Variants in HIPK1 observed in about 807,000 individuals in gnomAD.
HIPK1 encodes homeodomain interacting protein kinase 1, also known as homeodomain-interacting protein kinase 1.
In HIPK1, 28 loss-of-function variants were observed where a neutral mutation model predicts 117.1. The observed-to-expected ratio is 0.24, with a 90% CI of 0.18 to 0.33. The LOEUF (loss-of-function observed/expected upper bound fraction) is 0.33, where lower values mean the gene tolerates loss of function less well. HIPK1 is among the 10% of genes least tolerant of loss of function. The probability of loss-of-function intolerance (pLI) is 1.00; values close to 1 mark genes in which losing one functional copy is unlikely to be tolerated. For missense variants in HIPK1, 1,122 were observed against 1,475.1 expected, an observed-to-expected ratio of 0.76 and a Z score of 3.92; for synonymous variants, 605 against 562.5, an observed-to-expected ratio of 1.08 and a Z score of -1.07.
Position 113,940,842 on chromosome 1 carries a change from G to A in HIPK1, c.459G>A (p.Val153=). The A allele has an allele frequency of 6.2e-7, 1 of 1,614,100 alleles. No individual in the cohort carries two copies. The highest frequency in any genetic ancestry group is 2.2e-5 in the East Asian group (1 of 44,886). Residue 153 remains valine (V), a synonymous_variant, in exon 2 of 16, where the codon GTG becomes GTA. Coordinates refer to ENST00000426820, the MANE Select transcript of HIPK1 (RefSeq NM_198268.3). The part of the protein sequence containing the change: ...PPLMLQNRTV[V]GAAATTTTVT... ...TCATGCTGCAAAACAGGACTGTGGT[G>A]GGTGCTGCTGCCACAACCACCACTG...
At chr1:113,937,266 G>A (rs1670315238) in intron 1 of HIPK1, among the ~76,000 whole-genome samples, 5 of 152,186 alleles carry the variant, frequency 3.3e-5, no homozygotes, top group Non-Finnish European at 7.4e-5. Context: ...CTAGTCCAGT[G>A]CAGGTGGTTT....
At chr1:113,929,949 G>A in intron 1 of HIPK1, 5 of 985,432 alleles carry the variant, frequency 5.1e-6, no homozygotes, top group South Asian at 4.7e-5. Flanking sequence ...GGTGAGTGGG[G>A]ACGGGCAGGA....
At chr1:113,930,834 GA>G (rs1389584654) in intron 1 of HIPK1, 2 of 152,208 alleles carry the variant, frequency 1.3e-5, no homozygotes, top group African/African-American at 2.4e-5. Context: ...GGGTAGGGAA[GA>G]GGGGGGGAAA....
Position 113,970,001 on chromosome 1 carries a change from C to T in HIPK1, c.2817C>T (p.Val939=). 6.2e-7 allele frequency: 1 copy of T among 1,614,152 alleles called. No individual in the cohort carries two copies. Among genetic ancestry groups the T allele is most frequent in the Non-Finnish European group, 8.5e-7 (1 of 1,179,966 alleles). The change falls in exon 14 of 16, where the codon GTC becomes GTT. Residue 939 remains valine (V), a synonymous_variant. Transcript: ENST00000426820. The part of the protein sequence containing the change: ...PRSNVISYVT[V]NDSPDSDSSL... ...CTAATGTCATCAGTTATGTCACTGT[C>T]AATGATTCTCCAGACTCTGACTCTT...
intron 1 of HIPK1, among the ~76,000 whole-genome samples, chr1:113,939,061 A>G (rs1309453795): frequency 6.6e-6 from 1 of 152,050 alleles, no homozygotes; most frequent in Non-Finnish European, 1.5e-5. Context: ...AGACACTATC[A>G]TTTTACATGT....
chr1:113,929,664 T>A, intron 1 of HIPK1, 132 bp downstream of exon 1: 1 of 929,298 alleles, frequency 1.1e-6, no homozygotes, highest in Non-Finnish European at 1.4e-6. Context: ...GGCCCGGCGG[T>A]AGCCCCGGAC....
chr1:113,942,219 C>A (rs1558129509), intron 2 of HIPK1, among the ~76,000 whole-genome samples: 1 of 151,978 alleles, frequency 6.6e-6, no homozygotes, highest in African/African-American at 2.4e-5. Context: ...TGCTACCACG[C>A]CCGGCTAATT....
At chr1:113,946,987 G>A (rs1671028849) in intron 2 of HIPK1, among the ~76,000 whole-genome samples, 1 of 152,164 alleles carries the variant, frequency 6.6e-6, no homozygotes, top group South Asian at 2.1e-4. Flanking sequence ...AGTCCATTAA[G>A]TCCTCACCCT....
At chr1:113,942,773 G>C (rs1439525923) in intron 2 of HIPK1, among the ~76,000 whole-genome samples, 1 of 152,054 alleles carries the variant, frequency 6.6e-6, no homozygotes, top group African/African-American at 2.4e-5. Context: ...TTTAAAATGT[G>C]CTTTTTATCA....
chr1:113,957,288 T>C lies in HIPK1; in HGVS notation c.1755+2T>C. On this transcript the variant is annotated splice_donor_variant, in intron 7 of 15. Transcript: ENST00000426820. LOFTEE classifies it high-confidence loss of function. ...CAGCTCAATACAGTGCACAATCAGG[T>C]ATTCAATAAATAATTTTGGAAACTC... 6.2e-7 allele frequency: 1 copy of C among 1,604,824 alleles called. No individual in the cohort carries two copies. The highest frequency in any genetic ancestry group is 8.5e-7 in the Non-Finnish European group (1 of 1,173,982).
Position 113,940,548 on chromosome 1 carries a change from A to G in HIPK1, c.165A>G (p.Gln55=). ...AAACCCTCCCAGCCACACAAGGGCA[A>G]GCCAACTCCTCTCACCAGGTAGCAA... ...HSKTLPATQG[Q]ANSSHQVANF... The change falls in exon 2 of 16, where the codon CAA becomes CAG. Residue 55 remains glutamine, a synonymous_variant. Transcript: ENST00000426820. 1 of 1,614,186 alleles carries G rather than the reference A, an allele frequency of 6.2e-7. No homozygotes were observed. The highest frequency in any genetic ancestry group is 1.1e-5 in the South Asian group (1 of 91,082).
intron 14 of HIPK1, among the ~76,000 whole-genome samples, chr1:113,970,590 C>T (rs1312958840): frequency 6.6e-6 from 1 of 152,140 alleles, no homozygotes; most frequent in Non-Finnish European, 1.5e-5. Context: ...TTTTGGAAAA[C>T]AGTTATATTC....
At chr1:113,968,013 T>C in intron 12 of HIPK1, 65 bp downstream of exon 12, 3 of 1,411,692 alleles carry the variant, frequency 2.1e-6, no homozygotes, top group South Asian at 1.2e-5. Flanking sequence ...GCCTTGCATT[T>C]GGAATATTGT....
At chr1:113,962,714 G>T in intron 9 of HIPK1, among the ~76,000 whole-genome samples, 1 of 150,848 alleles carries the variant, frequency 6.6e-6, no homozygotes, top group South Asian at 2.1e-4. Flanking sequence ...GGGGTGAAGC[G>T]TTTTTTTTTG....
rs1419446055 is a variant in HIPK1 at position 113,977,086 on chromosome 1, T to C, written c.*3574T>C. 3 of 152,730 alleles carry C rather than the reference T, an allele frequency of 2.0e-5. No individual in the cohort carries two copies. The highest frequency in any genetic ancestry group is 4.4e-5 in the Non-Finnish European group (3 of 68,020). 9.5% of individuals were successfully genotyped at this position (152,730 alleles called of 1,614,324 possible). On this transcript the variant is annotated 3_prime_UTR_variant, in exon 16 of 16. Coordinates refer to ENST00000426820, the MANE Select transcript of HIPK1 (RefSeq NM_198268.3). Reference sequence around the variant, plus strand: ...TTGTCCTCCACTAGAGGGGCTAAGCTTGACTGCCCTTAGCCAGGCAAGCAC... The same window carrying C: ...TTGTCCTCCACTAGAGGGGCTAAGCCTGACTGCCCTTAGCCAGGCAAGCAC...
chr1:113,958,942 A>G (rs183612138), intron 8 of HIPK1, among the ~76,000 whole-genome samples: 9 of 152,296 alleles, frequency 5.9e-5, no homozygotes, highest in South Asian at 2.1e-4. Flanking sequence ...CTGTGTTGCA[A>G]TAAGATTTTA....
intron 1 of HIPK1, among the ~76,000 whole-genome samples, chr1:113,933,728 G>A (rs1057171967): frequency 6.6e-6 from 1 of 152,040 alleles, no homozygotes; most frequent in Non-Finnish European, 1.5e-5. Context: ...TTAGCTGGGC[G>A]TGGTGGCATG....
At chr1:113,936,835 CTT>C (rs1210002462) in intron 1 of HIPK1, among the ~76,000 whole-genome samples, 1 of 152,142 alleles carries the variant, frequency 6.6e-6, no homozygotes, top group Non-Finnish European at 1.5e-5. Flanking sequence ...TATTTAGATT[CTT>C]TCACTAAATA....
chr1:113,941,610 T>A lies in HIPK1; in HGVS notation c.1076+151T>A. The A allele has an allele frequency of 1.6e-6, 1 of 621,454 alleles. No homozygotes were observed. Among genetic ancestry groups the A allele is most frequent in the South Asian group, 2.2e-5 (1 of 45,112 alleles). The allele number at this position is 621,454 out of a possible 1,614,324, so 38.5% of individuals were successfully genotyped here. Reference sequence around the variant, plus strand: ...TTTAGCTCATTCTATGTGTGTGGCATTCCTATATATGACATTTATTTCTGA... The same window carrying A: ...TTTAGCTCATTCTATGTGTGTGGCAATCCTATATATGACATTTATTTCTGA... On this transcript the variant is annotated intron_variant, in intron 2 of 15. Coordinates refer to ENST00000426820, the MANE Select transcript of HIPK1 (RefSeq NM_198268.3). This position sits in a 1 kb window ranked among gnomAD's most constrained non-coding sequence, Gnocchi z 4.9.
Sources: allele counts gnomAD v4.1 joint callset (sites outside exome capture counted in the v4.1 genomes callset), GRCh38; gene constraint gnomAD v4.1.1; non-coding constraint Gnocchi (gnomAD v3.1); transcripts MANE v1.5; gene names NCBI Gene and HGNC (gene_info 2026-07-23, HGNC 2026-07-21).